The following AKR7A2 variants were observed in gnomAD, a reference collection of about 807,000 sequenced individuals.
AKR7A2 encodes the protein aldo-keto reductase family 7 member A2, also known as aflatoxin B1 aldehyde reductase member 2.
A neutral mutation model predicts 37.3 loss-of-function variants in AKR7A2; 29 were observed. The ratio of observed to expected loss-of-function variants is 0.78; its 90% CI spans 0.58 to 1.06. The LOEUF is 1.06. AKR7A2 is among the 50% of genes least tolerant of loss of function. The pLI is 0.00. For missense variants in AKR7A2, 529 were observed against 497.9 expected (o/e 1.06, Z -0.59); for synonymous variants, 228 against 217.8 (o/e 1.05, Z -0.41).
intron 1 of AKR7A2, among the ~76,000 whole-genome samples, chr1:19,309,773 T>C (rs1345084478): frequency 4.6e-5 from 7 of 151,668 alleles, no homozygotes; most frequent in Non-Finnish European, 1.0e-4. Context: ...AAAATAAAAA[T>C]TAAAAAAGAA....
Position 19,308,242 on chromosome 1 carries a change from G to A in AKR7A2, c.507C>T (p.Gly169=). 1 of 1,614,184 alleles carries A rather than the reference G, an allele frequency of 6.2e-7. No individual in the cohort carries two copies. The highest frequency in any genetic ancestry group is 8.5e-7 in the Non-Finnish European group (1 of 1,180,012). The part of the protein sequence containing the change: ...LHQEGKFVEL[G]LSNYASWEVA... ...CTTCCCAGCTAGCATAGTTGGAGAGGCCAAGCTCCACGAACTTGCCCTGCA... is the reference window on the plus strand; with the variant it reads ...CTTCCCAGCTAGCATAGTTGGAGAGACCAAGCTCCACGAACTTGCCCTGCA... Residue 169 remains glycine, a synonymous_variant, in exon 3 of 7, where the codon GGC becomes GGT. Transcript: ENST00000235835.
chr1:19,312,031 G>A lies in AKR7A2; in HGVS notation c.94C>T (p.Arg32Trp). ...GAGGCGACCCGCGGTGGCGGTGGCC[G>A]GGACATGGCGAGCGCGCGGGCCTCG... ...PPEARALAMS[R>W]PPPPRVASVL... The change falls in exon 1 of 7, where the codon CGG becomes TGG. Residue 32 changes from arginine to tryptophan, a missense_variant. Physicochemically the swap from Arg to Trp is moderately radical, Grantham distance 101 (BLOSUM62 -3). Transcript: ENST00000235835. 7 of 1,409,870 alleles carry A rather than the reference G, an allele frequency of 5.0e-6. No individual in the cohort carries two copies. The highest frequency in any genetic ancestry group is 6.4e-6 in the Non-Finnish European group (7 of 1,089,236). 87.3% of individuals were successfully genotyped at this position (1,409,870 alleles called of 1,614,324 possible). A position where few individuals can be genotyped will look rare whatever the true frequency, so the allele number is the denominator to read the frequency against.
chr1:19,306,827 C>A (rs756027825), intron 5 of AKR7A2, among the ~76,000 whole-genome samples, 175 bp downstream of exon 5: 4 of 152,186 alleles, frequency 2.6e-5, no homozygotes, highest in Non-Finnish European at 5.9e-5. Context: ...ATTTCCCCCC[C>A]AGAGGTCTCA....
chr1:19,306,012 G>A lies in AKR7A2; in HGVS notation c.918+6C>T. On this transcript the variant is annotated splice_donor_region_variant and intron_variant, in intron 6 of 6. Coordinates refer to ENST00000235835, the MANE Select transcript of AKR7A2 (RefSeq NM_003689.4). The stretch of plus-strand genomic sequence containing the variant: ...AAGAAGCTGAGCACCCAGGGTCGCT[G>A]GTTACCTGCAGCTGTGAGTGGTGGT... The A allele has an allele frequency of 1.2e-6, 2 of 1,613,840 alleles. No homozygotes were observed. Among genetic ancestry groups the A allele is most frequent in the Non-Finnish European group, 1.7e-6 (2 of 1,179,902 alleles).
intron 1 of AKR7A2, among the ~76,000 whole-genome samples, chr1:19,310,857 T>C (rs1024049180): frequency 1.3e-4 from 20 of 151,884 alleles, no homozygotes; most frequent in African/African-American, 4.8e-4. Context: ...GGGTGAAGCA[T>C]GGTAAGGGTA....
chr1:19,311,931 T>A lies in AKR7A2; in HGVS notation c.194A>T (p.Glu65Val). The A allele has an allele frequency of 6.2e-7, 1 of 1,606,830 alleles. No individual in the cohort carries two copies. Among genetic ancestry groups the A allele is most frequent in the Non-Finnish European group, 8.5e-7 (1 of 1,177,704 alleles). The change falls in exon 1 of 7, where the codon GAG becomes GTG. Residue 65 changes from glutamate to valine, a missense_variant. Physicochemically the swap from Glu to Val is moderately radical, Grantham distance 121 (BLOSUM62 -2). Coordinates refer to ENST00000235835, the MANE Select transcript of AKR7A2 (RefSeq NM_003689.4). ...CGTGTCCAGTTCGGTGTGGCCGCGC[T>A]CCAGAAAGGCGCGCACGGCCGCGGC... ...ASAAAVRAFL[E>V]RGHTELDTAF... is the part of the protein sequence containing the mutation.
Position 19,307,018 on chromosome 1 carries a change from C to T in AKR7A2, c.772G>A (p.Glu258Lys), listed in dbSNP as rs1162787787. 1.9e-6 allele frequency: 3 copies of T among 1,614,092 alleles called. No homozygotes were observed. The highest frequency in any genetic ancestry group is 2.5e-6 in the Non-Finnish European group (3 of 1,180,038). Residue 258 changes from glutamate to lysine, a missense_variant, in exon 5 of 7, where the codon GAG (glutamate) becomes AAG (lysine). By Grantham distance (56) the Glu-to-Lys change is moderately conservative. Coordinates refer to ENST00000235835, the MANE Select transcript of AKR7A2 (RefSeq NM_003689.4). Reference sequence around the variant, plus strand: ...CCGGCTCACCGATTCCTGTAGGTCTCAGCCCAGCTATTCCCAAAGAAGCGG... The same window carrying T: ...CCGGCTCACCGATTCCTGTAGGTCTTAGCCCAGCTATTCCCAAAGAAGCGG... The part of the protein sequence containing the change: ...VGRFFGNSWA[E>K]TYRNRFWKEH...
Position 19,304,438 on chromosome 1 carries a change from A to G in AKR7A2, c.919-52T>C. The G allele has an allele frequency of 2.5e-6, 4 of 1,612,730 alleles. No homozygotes were observed. In the South Asian group the frequency reaches 4.4e-5, roughly 18 times the overall value. ...CCCTCTTCTGCTGCACAGCGACTCC[A>G]CTCACAGCCGTCCCAGCCACCTCCC... On this transcript the variant is annotated intron_variant, in intron 6 of 6. Transcript: ENST00000235835.
At chr1:19,311,701 C>T in intron 1 of AKR7A2, 126 bp downstream of exon 1, 1 of 1,230,928 alleles carries the variant, frequency 8.1e-7, no homozygotes, top group Non-Finnish European at 1.1e-6. Flanking sequence ...CGGGGTGGAC[C>T]TGGGGTGGGG....
chr1:19,304,167 G>C lies in AKR7A2; in HGVS notation c.*58C>G. ...GTCAGCTTAAGGCCAAGACTGGTCAGTGTGAGAGAACAAAAGAGGTGACAG... is the reference window on the plus strand; with the variant it reads ...GTCAGCTTAAGGCCAAGACTGGTCACTGTGAGAGAACAAAAGAGGTGACAG... On this transcript the variant is annotated 3_prime_UTR_variant, in exon 7 of 7. Coordinates refer to ENST00000235835, the MANE Select transcript of AKR7A2 (RefSeq NM_003689.4). 6.2e-7 allele frequency: 1 copy of C among 1,613,496 alleles called. No individual in the cohort carries two copies. The highest frequency in any genetic ancestry group is 1.1e-5 in the South Asian group (1 of 91,072).
intron 2 of AKR7A2, 34 bp from the exon 3 acceptor site, chr1:19,308,296 T>C (rs753425844): frequency 3.7e-6 from 6 of 1,613,894 alleles, no homozygotes; most frequent in South Asian, 3.3e-5. Context: ...GAACGCAGTG[T>C]AGCCCAGACC....
chr1:19,307,695 G>A, intron 3 of AKR7A2: 1 of 545,904 alleles, frequency 1.8e-6, no homozygotes. Context: ...GTTTACTCAA[G>A]TTTAAAAAAA....
intron 1 of AKR7A2, among the ~76,000 whole-genome samples, chr1:19,310,156 T>C (rs2093769471): frequency 6.6e-6 from 1 of 152,172 alleles, no homozygotes; most frequent in Admixed American, 6.5e-5. Flanking sequence ...TTTTCATACT[T>C]AGCAAAGTCA....
chr1:19,310,804 C>T (rs900415357), intron 1 of AKR7A2, among the ~76,000 whole-genome samples: 22 of 152,130 alleles, frequency 1.4e-4, no homozygotes, highest in African/African-American at 4.3e-4. Context: ...CAGAGAGAAC[C>T]TCTCCTCAGG....
intron 1 of AKR7A2, among the ~76,000 whole-genome samples, chr1:19,310,571 A>G (rs537126371): frequency 6.6e-5 from 10 of 152,088 alleles, no homozygotes; most frequent in Admixed American, 5.2e-4. Context: ...GGCCGTGTGC[A>G]CCTGTAATCC....
intron 3 of AKR7A2, 81 bp downstream of exon 3, chr1:19,308,077 A>AG (rs775984041): frequency 1.3e-6 from 2 of 1,561,604 alleles, no homozygotes; most frequent in South Asian, 1.1e-5. Flanking sequence ...CAGACGGCAC[A>AG]GGGGGCAGTC....
chr1:19,303,989 G>A lies in AKR7A2; in HGVS notation c.*236C>T. The A allele has an allele frequency of 1.6e-6, 1 of 642,436 alleles. No individual in the cohort carries two copies. Among genetic ancestry groups the A allele is most frequent in the Non-Finnish European group, 2.7e-6 (1 of 371,110 alleles). The allele number at this position is 642,436 out of a possible 1,614,324, so 39.8% of individuals were successfully genotyped here. A position where few individuals can be genotyped will look rare whatever the true frequency, so the allele number is the denominator to read the frequency against. On this transcript the variant is annotated 3_prime_UTR_variant, in exon 7 of 7. Transcript: ENST00000235835. The stretch of plus-strand genomic sequence containing the variant: ...GTTTTTGGGGTTCACTCAAGACCTA[G>A]GCTACAGCCAGGTCAAGTGCCTGCT...
Position 19,307,662 on chromosome 1 carries a change from C to CA in AKR7A2, c.592-253dup, listed in dbSNP as rs561530253. ...TGGTTACAACCACAAGTAGGTATCA[C>CA]AAAATCCCTGCTTCCAGGAGATGTT... On this transcript the variant is annotated intron_variant, in intron 3 of 6. Coordinates refer to ENST00000235835, the MANE Select transcript of AKR7A2 (RefSeq NM_003689.4). 1.3e-3 allele frequency: 741 copies of CA among 577,760 alleles called. 8 individuals are homozygous for CA. The highest frequency in any genetic ancestry group is 0.013 in the African/African-American group (684 of 53,630). The allele number at this position is 577,760 out of a possible 1,614,324, so 35.8% of individuals were successfully genotyped here. A position where few individuals can be genotyped will look rare whatever the true frequency, so the allele number is the denominator to read the frequency against.
chr1:19,307,199 G>T (rs556666007), intron 4 of AKR7A2, 98 bp from the exon 5 acceptor site: 12 of 1,589,168 alleles, frequency 7.6e-6, no homozygotes, highest in Non-Finnish European at 1.0e-5. Flanking sequence ...GGACCCAGGA[G>T]GGGCTGAAGA....
Sources: gnomAD v4.1 joint callset for allele counts (sites outside exome capture counted in the v4.1 genomes callset) on GRCh38, gnomAD v4.1.1 for gene constraint, MANE v1.5 for transcripts, NCBI Gene and HGNC (gene_info 2026-07-23, HGNC 2026-07-21) for gene names.